The following CRYZL1 variants were observed in gnomAD, a reference collection of about 807,000 sequenced individuals.
The protein encoded by CRYZL1 is ferry endosomal RAB5 effector complex subunit 4.
Under a neutral mutation model 50.6 loss-of-function variants are expected in CRYZL1, and 34 were observed. That is an observed-to-expected ratio of 0.67 (90% CI 0.51 to 0.89). The LOEUF (loss-of-function observed/expected upper bound fraction) is 0.89. Among genes scored for constraint, CRYZL1 ranks in the 40% least tolerant of loss-of-function variants. The pLI is 0.00. For missense variants in CRYZL1, 354 were observed against 402.3 expected (o/e 0.88, Z 1.03); for synonymous variants, 125 against 134.3 (o/e 0.93, Z 0.48).
rs1445246279 is a variant in CRYZL1, at chr21:33,589,806, C to T, written c.*16G>A. The T allele has an allele frequency of 6.7e-7, 1 of 1,503,754 alleles. No individual in the cohort carries two copies. The highest frequency in any genetic ancestry group is 2.3e-5 in the East Asian group (1 of 44,310). 93.2% of individuals were successfully genotyped at this position (1,503,754 alleles called of 1,614,324 possible). ...TGGAATATGTTCATCCGACTGAGGT[C>T]TGAGAAAGAAGAAAATTAAAATTGA... On this transcript the variant is annotated 3_prime_UTR_variant, in exon 13 of 13. Transcript: ENST00000381554.
chr21:33,602,169 A>G, intron 8 of CRYZL1, 65 bp downstream of exon 8: 2 of 929,164 alleles, frequency 2.2e-6, no homozygotes, highest in East Asian at 2.4e-5. Flanking sequence ...TTACAAGTAC[A>G]TTTTTAAAGG....
At chr21:33,627,288 G>C (rs1047410289) in intron 2 of CRYZL1, among the ~76,000 whole-genome samples, 1 of 152,210 alleles carries the variant, frequency 6.6e-6, no homozygotes, top group Non-Finnish European at 1.5e-5. Flanking sequence ...GGTAGAAATA[G>C]GGGTCTCACT....
chr21:33,600,802 G>A (rs1426841483), intron 8 of CRYZL1, among the ~76,000 whole-genome samples: 1 of 148,252 alleles, frequency 6.7e-6, no homozygotes, highest in East Asian at 2.0e-4. Context: ...TTTTTTTTTT[G>A]TATTTTTAAT....
chr21:33,597,444 A>G, intron 9 of CRYZL1, 43 bp from the exon 10 acceptor site: 1 of 1,381,410 alleles, frequency 7.2e-7, no homozygotes, highest in Non-Finnish European at 1.0e-6. Context: ...GAGAAGAAAT[A>G]TATTTTATAA....
chr21:33,608,467 A>G (rs2086836711), intron 6 of CRYZL1, among the ~76,000 whole-genome samples: 1 of 152,194 alleles, frequency 6.6e-6, no homozygotes, highest in African/African-American at 2.4e-5. Flanking sequence ...TGAATAAACA[A>G]ATAAATAAAA....
chr21:33,592,463 T>C (rs1345389614), intron 11 of CRYZL1, among the ~76,000 whole-genome samples: 1 of 152,176 alleles, frequency 6.6e-6, no homozygotes, highest in Non-Finnish European at 1.5e-5. Context: ...CCTTGATTGG[T>C]TGAATCCCTG....
chr21:33,596,638 CAAAAAATA>C (rs369788812), intron 10 of CRYZL1, among the ~76,000 whole-genome samples: 56 of 150,796 alleles, frequency 3.7e-4, no homozygotes, highest in Non-Finnish European at 6.3e-4. Flanking sequence ...AACTTTGTTC[CAAAAAATA>C]AAAAAATAAA....
rs1048408579 is a variant in CRYZL1, at chr21:33,591,236, T to C, written c.905-29A>G. On this transcript the variant is annotated intron_variant, in intron 11 of 12. Coordinates refer to ENST00000381554, the MANE Select transcript of CRYZL1 (RefSeq NM_145858.3). ...GCTGGAAGGATTGTTAAGGTGGCAA[T>C]GTAAAGGAGAATTAAATAAAACCAT... 1.2e-5 allele frequency: 19 copies of C among 1,581,526 alleles called. 1 individual carries two copies. The highest frequency in any genetic ancestry group is 1.7e-4 in the Middle Eastern group (1 of 6,028).
chr21:33,629,315 G>T (rs892210363), intron 2 of CRYZL1, among the ~76,000 whole-genome samples: 1 of 152,108 alleles, frequency 6.6e-6, no homozygotes, highest in Non-Finnish European at 1.5e-5. Context: ...AGGCTGTAGT[G>T]CAGTGGCACA....
intron 6 of CRYZL1, among the ~76,000 whole-genome samples, chr21:33,613,064 G>A (rs1005700801): frequency 2.0e-5 from 3 of 152,148 alleles, no homozygotes; most frequent in African/African-American, 7.2e-5. Context: ...GGCCTCAGGT[G>A]ACCTGCCCAC....
intron 9 of CRYZL1, among the ~76,000 whole-genome samples, chr21:33,597,896 G>A (rs972805085): frequency 4.6e-5 from 7 of 152,192 alleles, no homozygotes; most frequent in Non-Finnish European, 1.0e-4. Flanking sequence ...TTACAGGCAT[G>A]AGCCACAGCA....
At chr21:33,612,794 T>C (rs535202843) in intron 6 of CRYZL1, among the ~76,000 whole-genome samples, 22 of 152,256 alleles carry the variant, frequency 1.4e-4, no homozygotes, top group Admixed American at 4.6e-4. Context: ...TCAGTTAAAC[T>C]CAACACTAGT....
In CRYZL1 at chr21:33,589,490, CT is replaced by C; in HGVS notation, c.*331del. 2.4e-6 allele frequency: 1 copy of C among 424,122 alleles called. No individual in the cohort carries two copies. The highest frequency in any genetic ancestry group is 3.8e-5 in the East Asian group (1 of 25,980). 26.3% of individuals were successfully genotyped at this position (424,122 alleles called of 1,614,324 possible). ...ATAGCTTAGCAAAGGCCTGCAACAG[CT>C]TTTATCAAGAGTAGTGTGACTTTTG... On this transcript the variant is annotated 3_prime_UTR_variant, in exon 13 of 13. Coordinates refer to ENST00000381554, the MANE Select transcript of CRYZL1 (RefSeq NM_145858.3).
At chr21:33,605,839 A>G (rs1313089399) in intron 6 of CRYZL1, among the ~76,000 whole-genome samples, 1 of 151,914 alleles carries the variant, frequency 6.6e-6, no homozygotes, top group South Asian at 2.1e-4. Flanking sequence ...ATTCTTTCTC[A>G]TTTTACCTAA....
intron 4 of CRYZL1, among the ~76,000 whole-genome samples, chr21:33,620,241 C>T (rs76547762): frequency 0.026 from 4,017 of 152,150 alleles, 65 homozygotes; most frequent in Admixed American, 0.037. Flanking sequence ...TTTATTCATT[C>T]GCATAGGAGG....
Position 33,616,592 on chromosome 21 carries a change from G to A in CRYZL1, c.262+114C>T, listed in dbSNP as rs7278744. The A allele has an allele frequency of 0.011, 17,241 of 1,562,720 alleles. 1,598 individuals carry two copies. The African/African-American group carries it at 0.2, about 18-fold the overall frequency. On this transcript the variant is annotated intron_variant, in intron 5 of 12. Transcript: ENST00000381554. ...CAGACGTGAGCCACAGCACCCAGCCGGGAAAGTACTTCTATATGAAGCAAG... is the reference window on the plus strand; with the variant it reads ...CAGACGTGAGCCACAGCACCCAGCCAGGAAAGTACTTCTATATGAAGCAAG...
At chr21:33,594,219 T>C (rs557844527) in intron 11 of CRYZL1, among the ~76,000 whole-genome samples, 5 of 150,846 alleles carry the variant, frequency 3.3e-5, no homozygotes, top group Non-Finnish European at 5.9e-5. Context: ...AGTGGCGCGA[T>C]CTCAGCTCAC....
chr21:33,600,093 C>T (rs2086735683), intron 8 of CRYZL1, among the ~76,000 whole-genome samples: 2 of 152,106 alleles, frequency 1.3e-5, no homozygotes, highest in Admixed American at 6.6e-5. Context: ...CCGATCGTAA[C>T]ATTTAAAAAA....
intron 2 of CRYZL1, among the ~76,000 whole-genome samples, chr21:33,627,901 C>G (rs1203901658): frequency 2.6e-5 from 4 of 151,998 alleles, no homozygotes; most frequent in South Asian, 2.1e-4. Flanking sequence ...CATGCCACCA[C>G]GCCTGGCTAA....
Sources: allele counts gnomAD v4.1 joint callset (sites outside exome capture counted in the v4.1 genomes callset), GRCh38; gene constraint gnomAD v4.1.1; transcripts MANE v1.5; gene names NCBI Gene and HGNC (gene_info 2026-07-23, HGNC 2026-07-21).